SLC39A10: variants seen among roughly 807,000 people sequenced by gnomAD.
The protein encoded by SLC39A10 is solute carrier family 39 member 10.
Under a neutral mutation model 65.1 loss-of-function variants are expected in SLC39A10, and 13 were observed. The ratio of observed to expected loss-of-function variants is 0.20; its 90% CI spans 0.13 to 0.32. The LOEUF is 0.32. Ranked by LOEUF, SLC39A10 falls within the 10% of genes least tolerant of loss-of-function variation. SLC39A10 has a pLI of 1.00. For synonymous variants in SLC39A10, 321 were observed against 342.2 expected (o/e 0.94, Z 0.68); for missense variants, 831 against 1,018.4 (o/e 0.82, Z 2.50).
chr2:195,730,275 C>T lies in SLC39A10; in HGVS notation c.2337+1926C>T, dbSNP rs111616006. The stretch of plus-strand genomic sequence containing the variant: ...TTCTTGTCATAACAGCAGAACTTGA[C>T]AGTTGGTCATTCTCTTTTCTTTGAA... On this transcript the variant is annotated intron_variant, in intron 9 of 9. Transcript: ENST00000359634. Among the ~76,000 whole-genome samples the T allele has an allele frequency of 5.8e-3, 887 of 152,146 alleles. 9 individuals are homozygous for T. The highest frequency in any genetic ancestry group is 9.6e-3 in the Non-Finnish European group (654 of 68,010).
intron 9 of SLC39A10, among the ~76,000 whole-genome samples, chr2:195,730,337 A>G (rs976235604): frequency 1.4e-4 from 21 of 150,884 alleles, no homozygotes; most frequent in African/African-American, 3.7e-4. Context: ...TTGTTTGTTT[A>G]TTTGTTTGTT....
At chr2:195,713,232 T>C (rs1691660763) in intron 5 of SLC39A10, among the ~76,000 whole-genome samples, 1 of 152,174 alleles carries the variant, frequency 6.6e-6, no homozygotes, top group South Asian at 2.1e-4. Context: ...TAGTTGAATA[T>C]TTAAAAAAAT....
chr2:195,670,918 A>G (rs973573143), intron 1 of SLC39A10, among the ~76,000 whole-genome samples: 1 of 152,222 alleles, frequency 6.6e-6, no homozygotes, highest in Non-Finnish European at 1.5e-5. Context: ...GGGGAATAAA[A>G]ATTAAGTTTT....
At chr2:195,667,516 A>G (rs1314080575) in intron 1 of SLC39A10, among the ~76,000 whole-genome samples, 2 of 152,164 alleles carry the variant, frequency 1.3e-5, no homozygotes, top group African/African-American at 4.8e-5. Flanking sequence ...CTCTTGTAAT[A>G]TTTTGTTAGC....
At position 195,737,470 on chromosome 2, in the gene SLC39A10, T is replaced by TAA. The variant is rs201443538; in HGVS notation, c.*2430_*2431dup. ...TAGATGCAGTGTGAATTTTTTCCAT[T>TAA]AACAAACAAACAAGTCAGTGGCTTA... On this transcript the variant is annotated 3_prime_UTR_variant, in exon 10 of 10. Coordinates refer to ENST00000359634, the MANE Select transcript of SLC39A10 (RefSeq NM_020342.3). The TAA allele has an allele frequency of 3.1e-5, 5 of 160,912 alleles. No homozygotes were observed. Among genetic ancestry groups the TAA allele is most frequent in the Admixed American group, 2.4e-4 (4 of 16,864 alleles). 10.0% of individuals were successfully genotyped at this position (160,912 alleles called of 1,614,324 possible).
At chr2:195,639,691 C>G (rs1688765714) in intron 2 of SLC39A10, among the ~76,000 whole-genome samples, 1 of 152,152 alleles carries the variant, frequency 6.6e-6, no homozygotes, top group African/African-American at 2.4e-5. Flanking sequence ...TCCAGCAATT[C>G]TCAACCTCCC....
At chr2:195,628,770 C>A (rs1479260373) in intron 2 of SLC39A10, among the ~76,000 whole-genome samples, 2 of 152,162 alleles carry the variant, frequency 1.3e-5, no homozygotes, top group Non-Finnish European at 2.9e-5. Context: ...ATTTTCCAGG[C>A]GGAGATCTTG....
intron 1 of SLC39A10, among the ~76,000 whole-genome samples, chr2:195,678,303 A>G (rs1690171581): frequency 6.6e-6 from 1 of 152,074 alleles, no homozygotes; most frequent in Non-Finnish European, 1.5e-5. Flanking sequence ...TTTATATTTC[A>G]GTTATTTTCA....
At position 195,680,109 on chromosome 2, in the gene SLC39A10, A is replaced by G; in HGVS notation, c.67A>G (p.Asn23Asp). ...GCTGACATTTATTTTTCATCATTGC[A>G]ACCATTGCCATGAAGAACATGACCA... ...CLLTFIFHHC[N>D]HCHEEHDHGP... is the part of the protein sequence containing the mutation. The change falls in exon 2 of 10, where the codon AAC becomes GAC. Residue 23 changes from asparagine (N) to aspartate (D), a missense_variant. Asn to Asp is a conservative substitution (Grantham distance 23). This residue lies in a region of SLC39A10 where 446 missense variants were observed against 499.2 expected (regional missense o/e 0.89). Coordinates refer to ENST00000359634, the MANE Select transcript of SLC39A10 (RefSeq NM_020342.3). 1 of 1,612,630 alleles carries G rather than the reference A, an allele frequency of 6.2e-7. No homozygotes were observed. The highest frequency in any genetic ancestry group is 8.5e-7 in the Non-Finnish European group (1 of 1,179,718).
chr2:195,685,453 G>A lies in SLC39A10; in HGVS notation c.1216+1547G>A, dbSNP rs559093427. Among the ~76,000 whole-genome samples, 49 of 152,058 alleles carry A rather than the reference G, an allele frequency of 3.2e-4. 1 individual carries two copies. Among genetic ancestry groups the A allele is most frequent in the Non-Finnish European group, 5.4e-4 (37 of 68,008 alleles). Reference sequence around the variant, plus strand: ...TCAGAGCCCTTTACTTGGCCCACAAGGCTTTCCGTAATATGATCCTCCCTG... The same window carrying A: ...TCAGAGCCCTTTACTTGGCCCACAAAGCTTTCCGTAATATGATCCTCCCTG... On this transcript the variant is annotated intron_variant, in intron 3 of 9. Transcript: ENST00000359634.
intron 8 of SLC39A10, among the ~76,000 whole-genome samples, chr2:195,727,915 T>G (rs1039386607): frequency 6.6e-5 from 10 of 152,168 alleles, no homozygotes; most frequent in Non-Finnish European, 1.3e-4. Flanking sequence ...ATTATTATAG[T>G]TTTGTCTGTT....
chr2:195,673,083 T>A (rs1689932855), intron 1 of SLC39A10, among the ~76,000 whole-genome samples: 1 of 152,252 alleles, frequency 6.6e-6, no homozygotes, highest in Non-Finnish European at 1.5e-5. Flanking sequence ...AATTGTTTTA[T>A]AGGCTATTTT....
At chr2:195,645,410 C>T (rs1688894470) in intron 2 of SLC39A10, among the ~76,000 whole-genome samples, 1 of 152,126 alleles carries the variant, frequency 6.6e-6, no homozygotes, top group African/African-American at 2.4e-5. Flanking sequence ...CTCAAAATTA[C>T]ATTGAAAAAT....
upstream of SLC39A10, among the ~76,000 whole-genome samples, chr2:195,652,297 C>T (rs1689049846): frequency 6.6e-6 from 1 of 151,964 alleles, no homozygotes; most frequent in Admixed American, 6.6e-5. Context: ...CTTGTAATAC[C>T]AGCACTTTGG....
At chr2:195,639,552 A>G (rs1688761649) in intron 2 of SLC39A10, among the ~76,000 whole-genome samples, 1 of 152,104 alleles carries the variant, frequency 6.6e-6, no homozygotes, top group African/African-American at 2.4e-5. Flanking sequence ...ACATTTAATG[A>G]GTGGGAAGTT....
intron 2 of SLC39A10, among the ~76,000 whole-genome samples, chr2:195,640,490 A>G (rs1688793536): frequency 6.6e-6 from 1 of 151,684 alleles, no homozygotes; most frequent in Non-Finnish European, 1.5e-5. Flanking sequence ...TTTGGCATAC[A>G]CTAGTTTTTT....
At chr2:195,624,151 C>T (rs995419886) in intron 2 of SLC39A10, among the ~76,000 whole-genome samples, 3 of 151,764 alleles carry the variant, frequency 2.0e-5, no homozygotes, top group Admixed American at 6.6e-5. Flanking sequence ...TTTGGGAGGC[C>T]GAGGCGGGTG....
At chr2:195,673,725 A>G (rs2105756412) in intron 1 of SLC39A10, among the ~76,000 whole-genome samples, 1 of 152,348 alleles carries the variant, frequency 6.6e-6, no homozygotes, top group Admixed American at 6.5e-5. Context: ...TCAGATTTCT[A>G]GCAAGCTTAT....
chr2:195,675,426 A>C (rs2105759816), intron 1 of SLC39A10, among the ~76,000 whole-genome samples: 1 of 152,238 alleles, frequency 6.6e-6, no homozygotes, highest in African/African-American at 2.4e-5. Flanking sequence ...AAACATTTAC[A>C]ATATTGTAAT....
Sources: gnomAD v4.1 joint callset for allele counts (sites outside exome capture counted in the v4.1 genomes callset) on GRCh38, gnomAD v4.1.1 for gene constraint, gnomAD v4.1.1 regional missense constraint, MANE v1.5 for transcripts, NCBI Gene and HGNC (gene_info 2026-07-23, HGNC 2026-07-21) for gene names.